The following TAFA5 variants were observed in gnomAD, a reference collection of about 807,000 sequenced individuals.
TAFA5 encodes the protein chemokine-like protein TAFA-5.
A neutral mutation model predicts 15.3 loss-of-function variants in TAFA5; 6 were observed. The ratio of observed to expected loss-of-function variants is 0.39; its 90% CI spans 0.21 to 0.77. The LOEUF is 0.77. Among genes scored for constraint, TAFA5 ranks in the 30% least tolerant of loss-of-function variants. The pLI is 0.41. For missense variants in TAFA5, 161 were observed against 193.1 expected (o/e 0.83, Z 0.98); for synonymous variants, 103 against 80.7 (o/e 1.28, Z -1.48).
At chr22:48,528,604 G>A (rs911692477) in intron 1 of TAFA5, among the ~76,000 whole-genome samples, 6 of 152,194 alleles carry the variant, frequency 3.9e-5, no homozygotes, top group Non-Finnish European at 2.9e-5. Flanking sequence ...ATGTGGCCTC[G>A]GGGACTGTGG....
At chr22:48,551,675 A>G (rs907611574) in intron 1 of TAFA5, among the ~76,000 whole-genome samples, 35 of 152,042 alleles carry the variant, frequency 2.3e-4, no homozygotes, top group African/African-American at 8.2e-4. Context: ...GGGTTCTGGC[A>G]CCCACCCTTC....
chr22:48,749,507 T>C (rs1460046413), intron 3 of TAFA5, among the ~76,000 whole-genome samples: 2 of 152,120 alleles, frequency 1.3e-5, no homozygotes, highest in Admixed American at 1.3e-4. Context: ...GAGCCACAGA[T>C]GGTTCTTGAG....
At chr22:48,673,984 C>T (rs994924973) in intron 2 of TAFA5, among the ~76,000 whole-genome samples, 3 of 152,118 alleles carry the variant, frequency 2.0e-5, no homozygotes, top group African/African-American at 7.2e-5. Context: ...AGCCCTTTGC[C>T]CACCTCACAT....
intron 2 of TAFA5, among the ~76,000 whole-genome samples, chr22:48,686,128 C>T (rs896426140): frequency 2.0e-5 from 3 of 152,166 alleles, no homozygotes; most frequent in South Asian, 2.1e-4. Flanking sequence ...CTCCTTCCAG[C>T]GGGCAGGTGG....
At chr22:48,616,358 A>G (rs1601617920) in intron 1 of TAFA5, among the ~76,000 whole-genome samples, 1 of 152,180 alleles carries the variant, frequency 6.6e-6, no homozygotes, top group Admixed American at 6.5e-5. Flanking sequence ...GGCCCAAGTG[A>G]TCGTGTCTTC....
At chr22:48,673,455 G>T (rs555436642) in intron 2 of TAFA5, among the ~76,000 whole-genome samples, 1 of 152,158 alleles carries the variant, frequency 6.6e-6, no homozygotes, top group Non-Finnish European at 1.5e-5. Context: ...AGCCTGGGAG[G>T]GTGGCTGGGA....
At chr22:48,500,149 T>C (rs375820409) in intron 1 of TAFA5, among the ~76,000 whole-genome samples, 1 of 152,140 alleles carries the variant, frequency 6.6e-6, no homozygotes, top group Non-Finnish European at 1.5e-5. Flanking sequence ...AGACCCTCAA[T>C]TTTAGGATGA....
rs561894682 is a variant in TAFA5 at position 48,742,395 on chromosome 22, A to G, written c.391-7444A>G. Among the ~76,000 whole-genome samples the G allele has an allele frequency of 8.5e-4, 129 of 152,390 alleles. No homozygotes were observed. Among genetic ancestry groups the G allele is most frequent in the African/African-American group, 3.1e-3 (128 of 41,598 alleles). Reference sequence around the variant, plus strand: ...TCAAGCACAGTTTTAGTCAGAGCCCACATTAACACAGCAAGAGCCCAGCCA... The same window carrying G: ...TCAAGCACAGTTTTAGTCAGAGCCCGCATTAACACAGCAAGAGCCCAGCCA... On this transcript the variant is annotated intron_variant, in intron 3 of 3. Transcript: ENST00000402357. The surrounding 1 kb of genome is among the most constrained non-coding windows in gnomAD (Gnocchi z 6.2).
At chr22:48,583,121 ATC>A (rs1924150768) in intron 1 of TAFA5, among the ~76,000 whole-genome samples, 1 of 149,078 alleles carries the variant, frequency 6.7e-6, no homozygotes, top group African/African-American at 2.5e-5. Flanking sequence ...CCACACACAC[ATC>A]ACACGCCACA....
At chr22:48,706,981 A>G (rs1929097950) in intron 2 of TAFA5, among the ~76,000 whole-genome samples, 1 of 152,160 alleles carries the variant, frequency 6.6e-6, no homozygotes, top group Non-Finnish European at 1.5e-5. Flanking sequence ...CTGGCATGGG[A>G]GGAGTTAATG....
intron 2 of TAFA5, among the ~76,000 whole-genome samples, chr22:48,693,903 C>T (rs778207862): frequency 1.3e-5 from 2 of 152,320 alleles, no homozygotes; most frequent in African/African-American, 2.4e-5. Flanking sequence ...CGGGTGTTTC[C>T]GCCGGGTGGG....
intron 2 of TAFA5, among the ~76,000 whole-genome samples, chr22:48,649,683 AGCCCTCCTGGCT>A (rs1926985092): frequency 6.6e-6 from 1 of 151,990 alleles, no homozygotes; most frequent in Admixed American, 6.6e-5. Context: ...CCACAGCCAC[AGCCCTCCTGGCT>A]GCCTGTATCT....
At chr22:48,495,648 G>A (rs1041905521) in intron 1 of TAFA5, among the ~76,000 whole-genome samples, 11 of 152,164 alleles carry the variant, frequency 7.2e-5, no homozygotes, top group Admixed American at 1.3e-4. Context: ...CATCTTGCCC[G>A]TCCTCTCTCT....
chr22:48,538,127 G>T (rs2147117021), intron 1 of TAFA5, among the ~76,000 whole-genome samples: 1 of 152,270 alleles, frequency 6.6e-6, no homozygotes, highest in East Asian at 1.9e-4. Context: ...CATCTTAAAG[G>T]GTTATAACAA....
intron 2 of TAFA5, among the ~76,000 whole-genome samples, chr22:48,656,203 G>A (rs1220238299): frequency 6.6e-6 from 1 of 152,028 alleles, no homozygotes; most frequent in Non-Finnish European, 1.5e-5. Context: ...CACCCTTGTG[G>A]TATACTGGAA....
intron 2 of TAFA5, among the ~76,000 whole-genome samples, chr22:48,691,159 T>C (rs1356200787): frequency 6.6e-6 from 1 of 151,934 alleles, no homozygotes; most frequent in African/African-American, 2.4e-5. Flanking sequence ...CCGGGGACCA[T>C]TGGTGGTCAG....
rs539509350 is a variant in TAFA5 at position 48,737,492 on chromosome 22, A to G, written c.391-12347A>G. Among the ~76,000 whole-genome samples, 243 of 152,272 alleles carry G rather than the reference A, an allele frequency of 1.6e-3. 1 individual carries two copies. Among genetic ancestry groups the G allele is most frequent in the Non-Finnish European group, 2.8e-3 (193 of 68,012 alleles). On this transcript the variant is annotated intron_variant, in intron 3 of 3. Transcript: ENST00000402357. ...AGGCTGTGGAGCTGCAGTCGCCGAG[A>G]TGCTGTGGTCGCCCCTGATGCCAGC... is the stretch of plus-strand genomic sequence containing the variant.
chr22:48,737,478 C>G (rs1930062055), intron 3 of TAFA5, among the ~76,000 whole-genome samples: 3 of 152,176 alleles, frequency 2.0e-5, no homozygotes, highest in African/African-American at 7.2e-5. Flanking sequence ...GGCTGTGGAG[C>G]TGCAGTCGCC....
intron 3 of TAFA5, among the ~76,000 whole-genome samples, chr22:48,739,530 G>GC (rs1326704817): frequency 1.3e-5 from 2 of 152,136 alleles, no homozygotes; most frequent in African/African-American, 4.8e-5. Flanking sequence ...CCTGCCTTCA[G>GC]CCCGAGGACA....
Sources: allele counts gnomAD v4.1 joint callset (sites outside exome capture counted in the v4.1 genomes callset), GRCh38; gene constraint gnomAD v4.1.1; non-coding constraint Gnocchi (gnomAD v3.1); transcripts MANE v1.5; gene names NCBI Gene and HGNC (gene_info 2026-07-23, HGNC 2026-07-21).